The following TEX11 variants were observed in gnomAD, a reference collection of about 807,000 sequenced individuals.
TEX11 encodes testis-expressed protein 11.
TEX11 carries 7 observed loss-of-function variants against 84.4 expected under a neutral mutation model. The ratio of observed to expected loss-of-function variants is 0.08; its 90% CI spans 0.05 to 0.16. The LOEUF (loss-of-function observed/expected upper bound fraction) is 0.16. Ranked by LOEUF, TEX11 falls within the 10% of genes least tolerant of loss-of-function variation. The pLI is 1.00. For synonymous variants in TEX11, 264 were observed against 222.8 expected (o/e 1.18, Z -1.64); for missense variants, 551 against 660.5 (o/e 0.83, Z 1.82).
At chrX:70,528,752 T>C (rs191185867), downstream of TEX11, among the ~76,000 whole-genome samples, 47 of 111,610 alleles carry the variant, frequency 4.2e-4, no homozygotes, top group Non-Finnish European at 7.9e-4. Context: ...TGGGATTCTT[T>C]GATATCTTCA....
At chrX:70,584,912 C>T (rs1159255753) in intron 25 of TEX11, among the ~76,000 whole-genome samples, 1 of 111,822 alleles carries the variant, frequency 8.9e-6, no homozygotes, top group Non-Finnish European at 1.9e-5. Flanking sequence ...CCACAGTTAA[C>T]ATTATACTCA....
At chrX:70,613,229 A>C (rs2089281602) in intron 20 of TEX11, among the ~76,000 whole-genome samples, 1 of 111,909 alleles carries the variant, frequency 8.9e-6, no homozygotes, top group South Asian at 3.8e-4. Context: ...TCTCATAAGA[A>C]CCAAAAATCA....
Position 70,823,607 on chromosome X carries a change from C to T in TEX11, c.606+9906G>A, listed in dbSNP as rs780906293. 5.4e-5 allele frequency among the ~76,000 whole-genome samples: 6 copies of T among 111,221 alleles called. No homozygotes were observed. The Admixed American group carries it at 5.8e-4, about 11-fold the overall frequency. ...GTTCAGGCCGGAAACTGAAAGGACA[C>T]AAATAGATCACCAGGCTAGTAAACC... On this transcript the variant is annotated intron_variant, in intron 8 of 29. Coordinates refer to ENST00000374333, the MANE Select transcript of TEX11 (RefSeq NM_031276.3).
chrX:70,711,811 C>A (rs1319307153), intron 13 of TEX11, among the ~76,000 whole-genome samples: 8 of 111,223 alleles, frequency 7.2e-5, no homozygotes, highest in East Asian at 2.8e-4. Flanking sequence ...CCATTTGTCA[C>A]TTTTGGCTTT....
At chrX:70,812,288 G>A (rs1229937722) in intron 8 of TEX11, among the ~76,000 whole-genome samples, 1 of 109,407 alleles carries the variant, frequency 9.1e-6, no homozygotes, top group Admixed American at 9.9e-5. Context: ...CTCACTGCAA[G>A]CTCCGCCTCT....
At chrX:70,521,264 C>A in the TEX11 span, among the ~76,000 whole-genome samples, 1 of 110,651 alleles carries the variant, frequency 9.0e-6, no homozygotes, top group Non-Finnish European at 1.9e-5. Flanking sequence ...CCTATTTGGC[C>A]ATCTTGGAAT....
intron 25 of TEX11, among the ~76,000 whole-genome samples, chrX:70,562,094 A>G (rs762574149): frequency 9.0e-6 from 1 of 111,605 alleles, no homozygotes; most frequent in African/African-American, 3.3e-5. Flanking sequence ...ATTTCAGACA[A>G]CCTCCTCCCA....
chrX:70,794,220 C>A (rs2091142150), intron 9 of TEX11, among the ~76,000 whole-genome samples: 1 of 111,574 alleles, frequency 9.0e-6, no homozygotes, highest in Admixed American at 9.5e-5. Context: ...GATTGTGAGA[C>A]TCTGCATCGC....
At chrX:70,615,482 G>A (rs1234048260) in intron 20 of TEX11, among the ~76,000 whole-genome samples, 2 of 111,120 alleles carry the variant, frequency 1.8e-5, no homozygotes, top group African/African-American at 3.3e-5. Context: ...GAAAACACAC[G>A]GTGAGAGGAA....
chrX:70,566,801 A>T (rs1468323254), intron 25 of TEX11, among the ~76,000 whole-genome samples: 2 of 111,320 alleles, frequency 1.8e-5, no homozygotes, highest in African/African-American at 3.3e-5. Context: ...CTGGATTCGG[A>T]TTGCCAGTAT....
intron 25 of TEX11, among the ~76,000 whole-genome samples, chrX:70,562,980 T>C (rs1243866841): frequency 1.8e-5 from 2 of 112,405 alleles, no homozygotes; most frequent in African/African-American, 6.5e-5. Flanking sequence ...TTCTGAGTAG[T>C]ATTCCATTAT....
chrX:70,516,261 C>A, the TEX11 span, among the ~76,000 whole-genome samples: 3 of 112,069 alleles, frequency 2.7e-5, no homozygotes, highest in Admixed American at 9.5e-5. Context: ...TTAGGTCTAA[C>A]ATTTAAGTCT....
chrX:70,511,752 C>CAAA, the TEX11 span, among the ~76,000 whole-genome samples: 1,923 of 32,634 alleles, frequency 0.059, 247 homozygotes, highest in Non-Finnish European at 0.12. Flanking sequence ...GACTCCATCT[C>CAAA]AAAAAAAAAA....
At chrX:70,896,805 G>A (rs1222262699) in intron 2 of TEX11, among the ~76,000 whole-genome samples, 2 of 110,350 alleles carry the variant, frequency 1.8e-5, no homozygotes, top group African/African-American at 6.6e-5. Flanking sequence ...TCACTCATAA[G>A]TAGGAGTTAA....
chrX:70,729,231 T>C (rs914379404), intron 11 of TEX11, among the ~76,000 whole-genome samples: 1 of 110,309 alleles, frequency 9.1e-6, no homozygotes, highest in African/African-American at 3.3e-5. Flanking sequence ...GCAGAAAAAC[T>C]GGAAATTCTA....
intron 17 of TEX11, among the ~76,000 whole-genome samples, chrX:70,647,846 T>A (rs2089762269): frequency 9.0e-6 from 1 of 111,214 alleles, no homozygotes; most frequent in Non-Finnish European, 1.9e-5. Context: ...ATTGTGGAAG[T>A]CAGTGTGGCG....
intron 25 of TEX11, among the ~76,000 whole-genome samples, chrX:70,583,842 C>T (rs1176165146): frequency 3.6e-5 from 4 of 111,854 alleles, no homozygotes; most frequent in South Asian, 3.7e-4. Flanking sequence ...TCTCAAAGAA[C>T]TAAAAACAGA....
At position 70,844,175 on chromosome X, in the gene TEX11, G is replaced by A. The variant is rs188541118; in HGVS notation, c.525+8859C>T. Among the ~76,000 whole-genome samples, 249 of 109,878 alleles carry A rather than the reference G, an allele frequency of 2.3e-3. 3 individuals carry two copies. The highest frequency in any genetic ancestry group is 7.2e-3 in the African/African-American group (218 of 30,174). On this transcript the variant is annotated intron_variant, in intron 7 of 29. Coordinates refer to ENST00000374333, the MANE Select transcript of TEX11 (RefSeq NM_031276.3). ...ACACATGCACACGTATGTTTATAGC[G>A]GCACTATTCACAATAGCAAAGACTT...
chrX:70,627,047 T>G (rs775934751), intron 18 of TEX11, among the ~76,000 whole-genome samples: 2 of 112,424 alleles, frequency 1.8e-5, no homozygotes, highest in African/African-American at 6.5e-5. Flanking sequence ...TGAATGTTGC[T>G]GATAGGTCAA....
Sources: gnomAD v4.1 joint callset for allele counts (sites outside exome capture counted in the v4.1 genomes callset) on GRCh38, gnomAD v4.1.1 for gene constraint, MANE v1.5 for transcripts, NCBI Gene and HGNC (gene_info 2026-07-23, HGNC 2026-07-21) for gene names.